PCNX2: variants seen among roughly 807,000 people sequenced by gnomAD.
The protein encoded by PCNX2 is pecanex 2.
PCNX2 carries 168 observed loss-of-function variants against 223.8 expected under a neutral mutation model. The observed-to-expected ratio is 0.75, with a 90% confidence interval of 0.66 to 0.85. PCNX2 has a LOEUF of 0.85. Among genes scored for constraint, PCNX2 ranks in the 40% least tolerant of loss-of-function variants. PCNX2 has a pLI of 0.00. For missense variants in PCNX2, 2,507 were observed against 2,675.5 expected (o/e 0.94, Z 1.39); for synonymous variants, 1,006 against 1,052.6 (o/e 0.96, Z 0.86).
intron 12 of PCNX2, among the ~76,000 whole-genome samples, chr1:233,213,199 T>A (rs1015654738): frequency 9.9e-5 from 15 of 152,158 alleles, no homozygotes; most frequent in African/African-American, 3.4e-4. Flanking sequence ...CCCTATATAT[T>A]TTTTTAAGTT....
At chr1:233,143,362 G>A (rs947385565) in intron 19 of PCNX2, among the ~76,000 whole-genome samples, 1 of 152,206 alleles carries the variant, frequency 6.6e-6, no homozygotes, top group Non-Finnish European at 1.5e-5. Context: ...AAGATGCAGA[G>A]TCTGATGCAG....
intron 1 of PCNX2, among the ~76,000 whole-genome samples, chr1:233,280,044 A>G (rs1256365708): frequency 1.3e-5 from 2 of 151,940 alleles, no homozygotes; most frequent in African/African-American, 4.8e-5. Flanking sequence ...TAGTCTATAT[A>G]TATCTTCTGC....
At chr1:233,159,795 G>A (rs1377056992) in intron 19 of PCNX2, among the ~76,000 whole-genome samples, 1 of 152,194 alleles carries the variant, frequency 6.6e-6, no homozygotes, top group East Asian at 1.9e-4. Flanking sequence ...GTAGATACAG[G>A]TGTAGGCCTA....
chr1:233,245,666 G>A (rs545050209), intron 8 of PCNX2, among the ~76,000 whole-genome samples: 53 of 152,324 alleles, frequency 3.5e-4, no homozygotes, highest in African/African-American at 1.2e-3. Context: ...CTGCAATCCA[G>A]CACTTTGAGA....
At chr1:233,310,170 A>G in the PCNX2 span, among the ~76,000 whole-genome samples, 1 of 152,180 alleles carries the variant, frequency 6.6e-6, no homozygotes, top group South Asian at 2.1e-4. Flanking sequence ...GTATTTTCTG[A>G]TCATAGTTTA....
At chr1:232,989,402 C>G (rs912791026) in intron 32 of PCNX2, among the ~76,000 whole-genome samples, 2 of 151,712 alleles carry the variant, frequency 1.3e-5, no homozygotes, top group Non-Finnish European at 2.9e-5. Context: ...TGCAGTGAGC[C>G]GAGATAGCGC....
chr1:233,285,049 A>G (rs1047031730), intron 1 of PCNX2: 2 of 980,426 alleles, frequency 2.0e-6, no homozygotes, highest in African/African-American at 3.5e-5. Context: ...CATGTTGGAC[A>G]TGTAGTATAA....
chr1:233,132,972 C>T (rs1676591678), intron 21 of PCNX2, among the ~76,000 whole-genome samples: 1 of 147,566 alleles, frequency 6.8e-6, no homozygotes, highest in Non-Finnish European at 1.5e-5. Flanking sequence ...AATCTCGGCT[C>T]ACTGCAACCT....
chr1:233,259,110 C>T lies in PCNX2; in HGVS notation c.752G>A (p.Gly251Glu). 5 of 1,613,982 alleles carry T rather than the reference C, an allele frequency of 3.1e-6. No individual in the cohort carries two copies. The highest frequency in any genetic ancestry group is 3.4e-6 in the Non-Finnish European group (4 of 1,179,890). Residue 251 changes from glycine (G) to glutamate (E), a missense_variant, in exon 5 of 34, where the codon GGA (glycine) becomes GAA (glutamate). By Grantham distance (98) the Gly-to-Glu change is moderately conservative (BLOSUM62 -2). Coordinates refer to ENST00000258229, the MANE Select transcript of PCNX2 (RefSeq NM_014801.4). ...CAGGTGGGGCAACTTCTTCAAGGGT[C>T]CCTTATCCACTAAGCCACCCTCGGA... ...HRSEGGLVDK[G>E]PLKKLPHLSL...
intron 19 of PCNX2, among the ~76,000 whole-genome samples, chr1:233,154,886 T>C (rs1389180667): frequency 2.0e-5 from 3 of 151,946 alleles, no homozygotes; most frequent in Admixed American, 6.6e-5. Context: ...CTGGCCAACA[T>C]AGTGAAACCC....
At position 233,166,195 on chromosome 1, in the gene PCNX2, A is replaced by AT. The variant is rs1327486542; in HGVS notation, c.3274-4833dup. Among the ~76,000 whole-genome samples the AT allele has an allele frequency of 4.0e-5, 6 of 150,166 alleles. No individual in the cohort carries two copies. In the East Asian group the frequency reaches 6.5e-4, roughly 16 times the overall value. On this transcript the variant is annotated intron_variant, in intron 17 of 33. Coordinates refer to ENST00000258229, the MANE Select transcript of PCNX2 (RefSeq NM_014801.4). The stretch of plus-strand genomic sequence containing the variant: ...GCCAACTATAAAAATAAATAAATAA[A>AT]TAAATAAATTAAATTAAACAATAAC...
chr1:233,004,760 G>A (rs1006286719), intron 28 of PCNX2, among the ~76,000 whole-genome samples: 4 of 152,186 alleles, frequency 2.6e-5, no homozygotes, highest in African/African-American at 7.2e-5. Flanking sequence ...GCATTTCAAC[G>A]TGAAATGTAC....
intron 23 of PCNX2, among the ~76,000 whole-genome samples, chr1:233,077,550 T>C (rs545925375): frequency 1.1e-3 from 173 of 152,256 alleles, no homozygotes; most frequent in Non-Finnish European, 2.0e-3. Context: ...ACCCAAACAA[T>C]TTTCTTTAAC....
chr1:233,270,797 C>T (rs1458258615), intron 1 of PCNX2, among the ~76,000 whole-genome samples: 1 of 151,968 alleles, frequency 6.6e-6, no homozygotes, highest in African/African-American at 2.4e-5. Context: ...AGAGAGGTGA[C>T]AAGTGAGTGT....
chr1:233,118,981 T>G (rs2102989236), intron 21 of PCNX2, among the ~76,000 whole-genome samples: 1 of 152,324 alleles, frequency 6.6e-6, no homozygotes, highest in East Asian at 1.9e-4. Context: ...TAATCAAGAC[T>G]TCTTGGTATT....
rs191296158 is a variant in PCNX2 at position 233,172,598 on chromosome 1, C to G, written c.3273+5204G>C. On this transcript the variant is annotated intron_variant, in intron 17 of 33. Transcript: ENST00000258229. The stretch of plus-strand genomic sequence containing the variant: ...TCCATGGTCTGGCATTGGACACCCA[C>G]CTGGGCTTCAATTCCTGTTCTCCAT... The G allele has an allele frequency of 8.4e-6, 8 of 956,338 alleles. No individual in the cohort carries two copies. The East Asian group carries it at 9.3e-4, about 111-fold the overall frequency. 59.2% of individuals were successfully genotyped at this position (956,338 alleles called of 1,614,324 possible).
intron 20 of PCNX2, among the ~76,000 whole-genome samples, chr1:233,136,172 A>G (rs965128972): frequency 2.0e-5 from 3 of 152,182 alleles, no homozygotes; most frequent in Non-Finnish European, 4.4e-5. Context: ...ACTCCCTCCA[A>G]TTCTAACATG....
intron 23 of PCNX2, among the ~76,000 whole-genome samples, chr1:233,085,581 C>A (rs1673562916): frequency 6.6e-6 from 1 of 152,142 alleles, no homozygotes; most frequent in South Asian, 2.1e-4. Flanking sequence ...TCCCCTTTCT[C>A]TGAATCTGGG....
At chr1:233,196,291 T>G (rs1179689092) in intron 15 of PCNX2, among the ~76,000 whole-genome samples, 1 of 151,928 alleles carries the variant, frequency 6.6e-6, no homozygotes, top group Non-Finnish European at 1.5e-5. Context: ...TACAAAAATA[T>G]TTGTGACTTA....
Sources: allele counts gnomAD v4.1 joint callset (sites outside exome capture counted in the v4.1 genomes callset), GRCh38; gene constraint gnomAD v4.1.1; transcripts MANE v1.5; gene names NCBI Gene and HGNC (gene_info 2026-07-23, HGNC 2026-07-21).